PRMT3: variants seen among roughly 807,000 people sequenced by gnomAD.
PRMT3 encodes protein arginine N-methyltransferase 3.
PRMT3 carries 62 observed loss-of-function variants against 71.9 expected under a neutral mutation model. That is an observed-to-expected ratio of 0.86 (90% CI 0.70 to 1.07). The LOEUF (loss-of-function observed/expected upper bound fraction) is 1.07, where lower values mean the gene tolerates loss of function less well. Among genes scored for constraint, PRMT3 ranks in the 50% least tolerant of loss-of-function variants. The pLI is 0.00. For synonymous variants in PRMT3, 213 were observed against 220.4 expected, an observed-to-expected ratio of 0.97 and a Z score of 0.30; for missense variants, 663 against 643.0, an observed-to-expected ratio of 1.03 and a Z score of -0.34.
At position 20,503,723 on chromosome 11, in the gene PRMT3, C is replaced by T. The variant is rs114236722; in HGVS notation, c.1487-4581C>T. On this transcript the variant is annotated intron_variant, in intron 15 of 15. Coordinates refer to ENST00000331079, the MANE Select transcript of PRMT3 (RefSeq NM_005788.4). Reference sequence around the variant, plus strand: ...CTATGCCACAGTTTACTTAGGTATTCACCTGCTGCTAGACTTTTGTATTGC... The same window carrying T: ...CTATGCCACAGTTTACTTAGGTATTTACCTGCTGCTAGACTTTTGTATTGC... Among the ~76,000 whole-genome samples, 1,179 of 151,634 alleles carry T rather than the reference C, an allele frequency of 7.8e-3. 20 individuals are homozygous for T. Among genetic ancestry groups the T allele is most frequent in the African/African-American group, 0.028 (1,144 of 41,308 alleles).
intron 13 of PRMT3, among the ~76,000 whole-genome samples, chr11:20,477,804 C>G (rs1432560362): frequency 6.6e-5 from 3 of 45,554 alleles, no homozygotes; most frequent in African/African-American, 1.1e-4. Context: ...TAGGAGAAAC[C>G]CCCCCCCCCC....
intron 10 of PRMT3, among the ~76,000 whole-genome samples, chr11:20,433,711 C>A (rs149370020): frequency 1.2e-4 from 19 of 152,168 alleles, no homozygotes; most frequent in South Asian, 6.2e-4. Context: ...ACCTCCACCC[C>A]CCAGGTTCAA....
chr11:20,428,831 C>T (rs1444862347), intron 10 of PRMT3, among the ~76,000 whole-genome samples: 2 of 152,162 alleles, frequency 1.3e-5, no homozygotes, highest in African/African-American at 2.4e-5. Context: ...TCCCTTCTTA[C>T]TTTATCTCTA....
intron 11 of PRMT3, among the ~76,000 whole-genome samples, chr11:20,457,585 C>T (rs77370474): frequency 1.3e-4 from 20 of 152,288 alleles, no homozygotes; most frequent in Non-Finnish European, 2.8e-4. Context: ...AGTAGTTGCT[C>T]AATAAATGTT....
intron 13 of PRMT3, among the ~76,000 whole-genome samples, chr11:20,488,615 C>T (rs911375628): frequency 6.6e-6 from 1 of 152,058 alleles, no homozygotes; most frequent in South Asian, 2.1e-4. Flanking sequence ...AACATGATAC[C>T]AATGAAGAAC....
intron 10 of PRMT3, among the ~76,000 whole-genome samples, chr11:20,436,505 G>A (rs1849763771): frequency 6.6e-6 from 1 of 152,130 alleles, no homozygotes; most frequent in Non-Finnish European, 1.5e-5. Context: ...AAGGGATGTT[G>A]AATTTTATCA....
In PRMT3 at chr11:20,404,211, G is replaced by GTTTTTTTTTTTTTTTTT. The variant is rs71063629; in HGVS notation, c.771+1252_771+1268dup. On this transcript the variant is annotated intron_variant, in intron 8 of 15. Coordinates refer to ENST00000331079, the MANE Select transcript of PRMT3 (RefSeq NM_005788.4). Reference sequence around the variant, plus strand: ...GTTACTATAGTGGAGACTTTTCATAGTTTTTTTTTTTTTTTTTTTTTTTTT... The same window carrying GTTTTTTTTTTTTTTTTT: ...GTTACTATAGTGGAGACTTTTCATAGTTTTTTTTTTTTTTTTTTTTTTTTTTTTTTTTTTTTTTTTTT... Among the ~76,000 whole-genome samples the GTTTTTTTTTTTTTTTTT allele has an allele frequency of 5.8e-5, 2 of 34,336 alleles. 1 individual carries two copies. The highest frequency in any genetic ancestry group is 2.5e-3 in the East Asian group (2 of 800). 22.5% of individuals were successfully genotyped at this position (34,336 alleles called of 152,430 possible). A position where few individuals can be genotyped will look rare whatever the true frequency, so the allele number is the denominator to read the frequency against.
chr11:20,473,150 GTCTATCGTATTAA>G (rs1443402106), intron 13 of PRMT3, among the ~76,000 whole-genome samples: 2 of 151,818 alleles, frequency 1.3e-5, no homozygotes, highest in African/African-American at 4.8e-5. Flanking sequence ...CTAGCTAGCA[GTCTATCGTATTAA>G]TTTTTTCAAA....
chr11:20,422,037 T>A (rs1849437674), intron 9 of PRMT3, among the ~76,000 whole-genome samples: 1 of 152,234 alleles, frequency 6.6e-6, no homozygotes, highest in Non-Finnish European at 1.5e-5. Context: ...GTTACCCCTC[T>A]TGCGGTAGGT....
At chr11:20,482,500 T>TAATC (rs1850962076) in intron 13 of PRMT3, among the ~76,000 whole-genome samples, 1 of 152,118 alleles carries the variant, frequency 6.6e-6, no homozygotes, top group African/African-American at 2.4e-5. Flanking sequence ...AAATAATCAA[T>TAATC]AAGAGTGGAC....
Position 20,468,518 on chromosome 11 carries a change from G to A in PRMT3, c.1347+3972G>A, listed in dbSNP as rs151096771. ...CTAGTAGCTGGGACTGCAGATGTGC[G>A]CCACCACAGCCGGCTAATTTTTGTA... On this transcript the variant is annotated intron_variant, in intron 13 of 15. Transcript: ENST00000331079. 6.5e-3 allele frequency among the ~76,000 whole-genome samples: 990 copies of A among 152,104 alleles called. 4 individuals carry two copies. Among genetic ancestry groups the A allele is most frequent in the Non-Finnish European group, 0.01 (710 of 67,986 alleles).
intron 10 of PRMT3, among the ~76,000 whole-genome samples, chr11:20,441,051 A>G (rs1849883298): frequency 6.6e-6 from 1 of 152,004 alleles, no homozygotes; most frequent in South Asian, 2.1e-4. Context: ...TCCTCAATAT[A>G]ACATCTGAAT....
chr11:20,440,823 G>A lies in PRMT3; in HGVS notation c.994-11307G>A, dbSNP rs185722144. On this transcript the variant is annotated intron_variant, in intron 10 of 15. Transcript: ENST00000331079. ...TTTTTACTAATCCTTTATTGGATAT[G>A]TGGTTTGCAAATATTTTCTCCCACT... 5.3e-5 allele frequency among the ~76,000 whole-genome samples: 8 copies of A among 152,304 alleles called. No individual in the cohort carries two copies. In the South Asian group the frequency reaches 6.2e-4, roughly 12 times the overall value.
chr11:20,485,217 C>G (rs1217610184), intron 13 of PRMT3, among the ~76,000 whole-genome samples: 1 of 151,480 alleles, frequency 6.6e-6, no homozygotes, highest in Non-Finnish European at 1.5e-5. Flanking sequence ...TTGCCATGCC[C>G]CCAGGTTCCT....
At chr11:20,415,017 G>GTT (rs1555009387) in intron 9 of PRMT3, among the ~76,000 whole-genome samples, 1 of 135,316 alleles carries the variant, frequency 7.4e-6, no homozygotes. Context: ...TGGTGGTAGT[G>GTT]GTGTGTGTGT....
intron 5 of PRMT3, among the ~76,000 whole-genome samples, chr11:20,394,667 A>G (rs1848787190): frequency 2.0e-5 from 3 of 152,228 alleles, no homozygotes; most frequent in Admixed American, 2.0e-4. Context: ...ATTTTTAACT[A>G]TAGTCACTTT....
In PRMT3 at chr11:20,407,958, T is replaced by C; in HGVS notation, c.819T>C (p.Ala273=). The C allele has an allele frequency of 6.2e-7, 1 of 1,610,316 alleles. No individual in the cohort carries two copies. The highest frequency in any genetic ancestry group is 1.1e-5 in the South Asian group (1 of 91,008). Residue 273 remains alanine, a synonymous_variant, in exon 9 of 16, where the codon GCT becomes GCC. Transcript: ENST00000331079. ...GCGTGILSMF[A]AKAGAKKVLG... ...GAACTGGAATTCTCTCTATGTTTGC[T>C]GCTAAAGCTGGGGCGAAGAAGGTTC...
chr11:20,454,047 A>AAT (rs1018277256), intron 11 of PRMT3, among the ~76,000 whole-genome samples: 1 of 152,200 alleles, frequency 6.6e-6, no homozygotes, highest in Non-Finnish European at 1.5e-5. Flanking sequence ...GCTGCCAAAC[A>AAT]ATATACTCTA....
At chr11:20,430,763 T>C (rs895447588) in intron 10 of PRMT3, among the ~76,000 whole-genome samples, 7 of 152,194 alleles carry the variant, frequency 4.6e-5, no homozygotes, top group African/African-American at 1.4e-4. Context: ...ATTTTTCATA[T>C]ACAATACAAT....
Sources: gnomAD v4.1 joint callset for allele counts (sites outside exome capture counted in the v4.1 genomes callset) on GRCh38, gnomAD v4.1.1 for gene constraint, MANE v1.5 for transcripts, NCBI Gene and HGNC (gene_info 2026-07-23, HGNC 2026-07-21) for gene names.